The following ACER2 variants were observed in gnomAD, a reference collection of about 807,000 sequenced individuals.
ACER2 encodes alkCDase 2.
ACER2 carries 26 observed loss-of-function variants against 34.7 expected under a neutral mutation model. The ratio of observed to expected loss-of-function variants is 0.75; its 90% CI spans 0.55 to 1.04. ACER2 has a LOEUF of 1.04. Among genes scored for constraint, ACER2 ranks in the 50% least tolerant of loss-of-function variants. The pLI, the probability that ACER2 is intolerant of heterozygous loss-of-function variation, is 0.00. For missense variants in ACER2, 352 were observed against 340.8 expected (o/e 1.03, Z -0.26); for synonymous variants, 138 against 132.1 (o/e 1.04, Z -0.31).
Position 19,435,759 on chromosome 9 carries a change from G to GA in ACER2, c.503+684dup, listed in dbSNP as rs201618246. 6.9e-3 allele frequency among the ~76,000 whole-genome samples: 1,005 copies of GA among 145,178 alleles called. 8 individuals carry two copies. Among genetic ancestry groups the GA allele is most frequent in the Middle Eastern group, 0.068 (18 of 266 alleles). On this transcript the variant is annotated intron_variant, in intron 4 of 5. Transcript: ENST00000340967. The stretch of plus-strand genomic sequence containing the variant: ...AGAGTGAGACTTGTCTCAAAAAAAG[G>GA]AAAAAAAAAGCCGGGCGCAGTGGCT...
intron 1 of ACER2, among the ~76,000 whole-genome samples, chr9:19,419,981 T>C (rs1830353844): frequency 6.6e-6 from 1 of 152,146 alleles, no homozygotes; most frequent in African/African-American, 2.4e-5. Flanking sequence ...AGTGTCATGC[T>C]TACCCGCTCT....
chr9:19,443,510 A>G (rs147197317), intron 4 of ACER2, among the ~76,000 whole-genome samples: 28 of 152,268 alleles, frequency 1.8e-4, no homozygotes, highest in Non-Finnish European at 3.4e-4. Flanking sequence ...CCAAATTACA[A>G]ATTACCAAAT....
chr9:19,427,320 A>T (rs1240651405), intron 3 of ACER2, among the ~76,000 whole-genome samples: 2 of 152,248 alleles, frequency 1.3e-5, no homozygotes, highest in Non-Finnish European at 2.9e-5. Flanking sequence ...ATGTACATTG[A>T]CAATTTTAAT....
chr9:19,446,487 C>A (rs1057073873), intron 5 of ACER2, 69 bp downstream of exon 5: 23 of 1,604,852 alleles, frequency 1.4e-5, no homozygotes, highest in Admixed American at 5.0e-5. Context: ...GCTCTGTTCA[C>A]CCTGCAAGTG....
chr9:19,438,099 G>T (rs144555737), intron 4 of ACER2, among the ~76,000 whole-genome samples: 3 of 152,308 alleles, frequency 2.0e-5, no homozygotes, highest in Non-Finnish European at 4.4e-5. Flanking sequence ...GGGTTATGGG[G>T]CTAGAAAGTC....
Position 19,440,331 on chromosome 9 carries a change from A to G in ACER2, c.503+5247A>G, listed in dbSNP as rs188179400. Among the ~76,000 whole-genome samples, 811 of 152,190 alleles carry G rather than the reference A, an allele frequency of 5.3e-3. 3 individuals are homozygous for G. The highest frequency in any genetic ancestry group is 0.014 in the Middle Eastern group (4 of 294). On this transcript the variant is annotated intron_variant, in intron 4 of 5. Transcript: ENST00000340967. Reference sequence around the variant, plus strand: ...GTGCACCCTCAACTCCCTGCTTGCTATGGTCTGAATGTTTGTATCTCCCCT... The same window carrying G: ...GTGCACCCTCAACTCCCTGCTTGCTGTGGTCTGAATGTTTGTATCTCCCCT...
At chr9:19,422,307 A>T (rs1276657453) in intron 1 of ACER2, among the ~76,000 whole-genome samples, 5 of 152,060 alleles carry the variant, frequency 3.3e-5, no homozygotes, top group Admixed American at 2.0e-4. Context: ...TCTAAGAAAA[A>T]AAAAAAGTAA....
At chr9:19,434,676 G>C (rs1199613284) in intron 3 of ACER2, among the ~76,000 whole-genome samples, 1 of 152,228 alleles carries the variant, frequency 6.6e-6, no homozygotes, top group African/African-American at 2.4e-5. Context: ...CGCAGGCTGA[G>C]GCAGGAGAAT....
chr9:19,409,970 G>T lies in ACER2; in HGVS notation c.108+778G>T, dbSNP rs990178012. The T allele has an allele frequency of 3.1e-6, 3 of 980,688 alleles. No homozygotes were observed. The African/African-American group carries it at 5.3e-5, about 17-fold the overall frequency. 60.7% of individuals were successfully genotyped at this position (980,688 alleles called of 1,614,324 possible). A position where few individuals can be genotyped will look rare whatever the true frequency, so the allele number is the denominator to read the frequency against. The stretch of plus-strand genomic sequence containing the variant: ...GATTTTAGTTCTTGTGGTAGGGAAG[G>T]GTTGCAGCTGGGAGAGGAAATGCCT... On this transcript the variant is annotated intron_variant, in intron 1 of 5. Transcript: ENST00000340967.
At position 19,409,063 on chromosome 9, in the gene ACER2, G is replaced by T. The variant is rs969339144; in HGVS notation, c.-22G>T. On this transcript the variant is annotated 5_prime_UTR_variant, in exon 1 of 6. Transcript: ENST00000340967. ...GCTCTTCTCAGCTGCGCGAGCAGCT[G>T]CTCCAATGCCCCGGAGTGGCCATGG... 13 of 1,555,810 alleles carry T rather than the reference G, an allele frequency of 8.4e-6. No individual in the cohort carries two copies. The highest frequency in any genetic ancestry group is 5.4e-5 in the African/African-American group (4 of 73,576).
At chr9:19,429,009 C>T (rs992560009) in intron 3 of ACER2, among the ~76,000 whole-genome samples, 4 of 151,590 alleles carry the variant, frequency 2.6e-5, no homozygotes, top group African/African-American at 7.3e-5. Context: ...AGGCTGGTCT[C>T]GAACTCCTGA....
chr9:19,430,295 G>T (rs577941716), intron 3 of ACER2, among the ~76,000 whole-genome samples: 2 of 152,280 alleles, frequency 1.3e-5, no homozygotes, highest in East Asian at 1.9e-4. Flanking sequence ...ATGGTACTGG[G>T]TTGTTAGATT....
At chr9:19,414,845 CAAAA>C (rs34308694) in intron 1 of ACER2, among the ~76,000 whole-genome samples, 2 of 111,892 alleles carry the variant, frequency 1.8e-5, no homozygotes, top group Non-Finnish European at 1.9e-5. Context: ...GACTCCGCCT[CAAAA>C]AAAAAAAAAA....
intron 1 of ACER2, among the ~76,000 whole-genome samples, chr9:19,411,398 T>C (rs12341873): frequency 1.3e-5 from 2 of 151,904 alleles, no homozygotes; most frequent in East Asian, 3.9e-4. Context: ...TTTAAAAAAA[T>C]TTTTTTTTGA....
intron 1 of ACER2, among the ~76,000 whole-genome samples, chr9:19,415,538 A>G (rs1180689193): frequency 2.0e-5 from 3 of 151,954 alleles, no homozygotes; most frequent in African/African-American, 7.2e-5. Flanking sequence ...ATAAATAAAA[A>G]TTAAAAATTA....
At chr9:19,448,004 C>CTTTT (rs557934540) in intron 5 of ACER2, among the ~76,000 whole-genome samples, 33,241 of 109,446 alleles carry the variant, frequency 0.3, 6,074 homozygotes, top group Non-Finnish European at 0.36. Context: ...ACGATGCAAA[C>CTTTT]TTTTTTTTTT....
chr9:19,431,499 C>A (rs572648130), intron 3 of ACER2, among the ~76,000 whole-genome samples: 7 of 152,300 alleles, frequency 4.6e-5, no homozygotes, highest in African/African-American at 9.6e-5. Flanking sequence ...ATGTGTTTAT[C>A]CTAATGAAAA....
At chr9:19,420,945 G>T (rs1830386577) in intron 1 of ACER2, among the ~76,000 whole-genome samples, 1 of 152,156 alleles carries the variant, frequency 6.6e-6, no homozygotes, top group African/African-American at 2.4e-5. Context: ...TACGTTCTGA[G>T]AAATGTATTG....
intron 4 of ACER2, among the ~76,000 whole-genome samples, chr9:19,441,238 A>G (rs989981839): frequency 2.0e-5 from 3 of 151,892 alleles, no homozygotes; most frequent in Non-Finnish European, 4.4e-5. Flanking sequence ...TTTAGTAGAG[A>G]TGGGGTTTCA....
Sources: gnomAD v4.1 joint callset for allele counts (sites outside exome capture counted in the v4.1 genomes callset) on GRCh38, gnomAD v4.1.1 for gene constraint, MANE v1.5 for transcripts, NCBI Gene and HGNC (gene_info 2026-07-23, HGNC 2026-07-21) for gene names.